VWA2: variants seen among roughly 807,000 people sequenced by gnomAD.
VWA2 encodes von Willebrand factor A domain-containing protein 2.
VWA2 carries 73 observed loss-of-function variants against 70.4 expected under a neutral mutation model. That is an observed-to-expected ratio of 1.04 (90% CI 0.86 to 1.26). The LOEUF is 1.26. Ranked by LOEUF, VWA2 falls within the 50% of genes most tolerant of loss-of-function variation. VWA2 has a pLI of 0.00. For missense variants in VWA2, 1,011 were observed against 998.5 expected (o/e 1.01, Z -0.17); for synonymous variants, 407 against 423.3 (o/e 0.96, Z 0.47).
chr10:114,278,778 G>T lies in VWA2; in HGVS notation c.760G>T (p.Ala254Ser). 6.2e-7 allele frequency: 1 copy of T among 1,613,830 alleles called. No homozygotes were observed. Among genetic ancestry groups the T allele is most frequent in the Non-Finnish European group, 8.5e-7 (1 of 1,180,026 alleles). Residue 254 changes from alanine to serine, a missense_variant, in exon 8 of 14, where the codon GCT becomes TCT. Ala to Ser is a moderately conservative substitution (Grantham distance 99). Transcript: ENST00000392982. ...GACGCTGGAGATGGTCCGGGAGTTCGCTGGCAATGCCCCATGCTGGAGAGG... is the reference window on the plus strand; with the variant it reads ...GACGCTGGAGATGGTCCGGGAGTTCTCTGGCAATGCCCCATGCTGGAGAGG... ...HRTLEMVREF[A>S]GNAPCWRGSR...
intron 10 of VWA2, 115 bp downstream of exon 10, chr10:114,285,085 T>C (rs1461905230): frequency 1.4e-6 from 1 of 724,666 alleles, no homozygotes; most frequent in East Asian, 3.1e-5. Context: ...TTGAACCATC[T>C]GCTTTCCAAT....
In VWA2 at chr10:114,272,966, C is replaced by G. The variant is rs766185037; in HGVS notation, c.566+32C>G. On this transcript the variant is annotated intron_variant, in intron 6 of 13. Transcript: ENST00000392982. The stretch of plus-strand genomic sequence containing the variant: ...GCCTCAGTCACCCTGGATCAGCCCT[C>G]AGGTGGTCAGCCTGGGGATCGTGAC... The G allele has an allele frequency of 2.5e-6, 4 of 1,576,564 alleles. No individual in the cohort carries two copies. In the Admixed American group the frequency reaches 5.2e-5, roughly 20 times the overall value.
At chr10:114,245,887 T>C (rs1213453674) in intron 1 of VWA2, among the ~76,000 whole-genome samples, 1 of 152,218 alleles carries the variant, frequency 6.6e-6, no homozygotes, top group Non-Finnish European at 1.5e-5. Flanking sequence ...ATAGTTTGTT[T>C]TAGGACTGCT....
In VWA2 at chr10:114,285,860, A is replaced by T; in HGVS notation, c.998-79A>T. ...CTCTGCACCATCTCCCTCCTGGGAG[A>T]TGTTCGGCATCTCGGGTGGGACAGC... is the stretch of plus-strand genomic sequence containing the variant. On this transcript the variant is annotated intron_variant, in intron 10 of 13. Coordinates refer to ENST00000392982, the MANE Select transcript of VWA2 (RefSeq NM_001272046.2). The T allele has an allele frequency of 2.2e-6, 3 of 1,390,928 alleles. No homozygotes were observed. In the South Asian group the frequency reaches 4.4e-5, roughly 20 times the overall value. 86.2% of individuals were successfully genotyped at this position (1,390,928 alleles called of 1,614,324 possible). A position where few individuals can be genotyped will look rare whatever the true frequency, so the allele number is the denominator to read the frequency against.
At chr10:114,279,190 T>C (rs1015412432) in intron 8 of VWA2, among the ~76,000 whole-genome samples, 1 of 152,114 alleles carries the variant, frequency 6.6e-6, no homozygotes, top group African/African-American at 2.4e-5. Context: ...TGAGCACCAG[T>C]TTCCACATTA....
chr10:114,284,527 C>T (rs2038604631), intron 9 of VWA2, among the ~76,000 whole-genome samples: 1 of 151,916 alleles, frequency 6.6e-6, no homozygotes, highest in Non-Finnish European at 1.5e-5. Context: ...AAGACAGGGC[C>T]CCATTGGCAC....
chr10:114,280,450 G>A (rs754061094), intron 8 of VWA2, among the ~76,000 whole-genome samples: 3 of 152,162 alleles, frequency 2.0e-5, no homozygotes, highest in Admixed American at 2.0e-4. Context: ...CGGGGGGTTG[G>A]GGCAAGGTCA....
chr10:114,276,932 C>T (rs979228313), intron 6 of VWA2, among the ~76,000 whole-genome samples: 26 of 152,168 alleles, frequency 1.7e-4, no homozygotes, highest in African/African-American at 6.3e-4. Context: ...CCAGGGCTGG[C>T]AGCACTGCCT....
At position 114,291,295 on chromosome 10, in the gene VWA2, A is replaced by G; in HGVS notation, c.*58A>G. 1 of 1,528,282 alleles carries G rather than the reference A, an allele frequency of 6.5e-7. No individual in the cohort carries two copies. The highest frequency in any genetic ancestry group is 2.1e-5 in the Admixed American group (1 of 48,740). The allele number at this position is 1,528,282 out of a possible 1,614,324, so 94.7% of individuals were successfully genotyped here. On this transcript the variant is annotated 3_prime_UTR_variant, in exon 14 of 14. Transcript: ENST00000392982. ...CGTACCCCTCCCAGCAACTACAGAG[A>G]AGGCCTGGGCACTGAAATGGTGCCT...
In VWA2 at chr10:114,290,349, C is replaced by T; in HGVS notation, c.2232C>T (p.Gly744=). The change falls in exon 13 of 14, where the codon GGC becomes GGT. Residue 744 remains glycine (G), a synonymous_variant. Transcript: ENST00000392982. ...YRCKCRDGWE[G]PHCENRFLRR... is the part of the protein sequence containing the mutation. Reference sequence around the variant, plus strand: ...GCAAGTGTCGGGATGGCTGGGAGGGCCCCCACTGCGAGAACCGTGAGTGGA... The same window carrying T: ...GCAAGTGTCGGGATGGCTGGGAGGGTCCCCACTGCGAGAACCGTGAGTGGA... 1 of 1,550,484 alleles carries T rather than the reference C, an allele frequency of 6.4e-7. No individual in the cohort carries two copies. The highest frequency in any genetic ancestry group is 8.7e-7 in the Non-Finnish European group (1 of 1,146,942).
chr10:114,250,688 C>A (rs560231267), intron 2 of VWA2, among the ~76,000 whole-genome samples: 34 of 152,290 alleles, frequency 2.2e-4, no homozygotes, highest in African/African-American at 7.9e-4. Context: ...CTGCCCAGCC[C>A]AACTGTTTCC....
chr10:114,248,652 C>T (rs1296215511), intron 1 of VWA2, 52 bp from the exon 2 acceptor site: 4 of 1,491,524 alleles, frequency 2.7e-6, no homozygotes, highest in Admixed American at 1.7e-5. Context: ...TGACTTGGGG[C>T]GTTCACAGAA....
intron 5 of VWA2, among the ~76,000 whole-genome samples, chr10:114,264,406 A>G (rs1418962314): frequency 1.3e-5 from 2 of 150,844 alleles, no homozygotes; most frequent in South Asian, 2.1e-4. Context: ...GTCATATACT[A>G]TATGATTCCA....
At chr10:114,250,222 T>G in intron 2 of VWA2, among the ~76,000 whole-genome samples, 1 of 152,264 alleles carries the variant, frequency 6.6e-6, no homozygotes, top group Non-Finnish European at 1.5e-5. Context: ...AAAGAGACTG[T>G]ACATTCTTTA....
intron 2 of VWA2, among the ~76,000 whole-genome samples, chr10:114,252,955 C>T (rs1020093006): frequency 2.6e-5 from 4 of 151,712 alleles, no homozygotes; most frequent in African/African-American, 9.7e-5. Flanking sequence ...TGGGCTCTGC[C>T]CCTCTAGCTT....
chr10:114,290,741 C>A (rs540789498), intron 13 of VWA2, among the ~76,000 whole-genome samples: 1 of 152,094 alleles, frequency 6.6e-6, no homozygotes, highest in Non-Finnish European at 1.5e-5. Context: ...GGGATGTAGA[C>A]GGAGGCAGGG....
intron 11 of VWA2, among the ~76,000 whole-genome samples, chr10:114,287,779 C>G (rs1411598528): frequency 6.6e-6 from 1 of 152,206 alleles, no homozygotes; most frequent in Non-Finnish European, 1.5e-5. Context: ...GTTTCCCCTC[C>G]TATTAACACC....
Position 114,286,036 on chromosome 10 carries a change from C to T in VWA2, c.1095C>T (p.Phe365=), listed in dbSNP as rs34495685. The T allele has an allele frequency of 4.8e-3, 7,821 of 1,614,166 alleles. 37 individuals are homozygous for T. Among genetic ancestry groups the T allele is most frequent in the South Asian group, 0.01 (937 of 91,076 alleles). Residue 365 remains phenylalanine (F), a synonymous_variant, in exon 11 of 14, where the codon TTC becomes TTT. Transcript: ENST00000392982. The part of the protein sequence containing the change: ...TLDGFLRAKV[F]VKRFVRAVLS... ...ACGGCTTCCTGCGGGCCAAAGTCTTCGTGAAGCGGTTTGTGCGGGCCGTGC... is the reference window on the plus strand; with the variant it reads ...ACGGCTTCCTGCGGGCCAAAGTCTTTGTGAAGCGGTTTGTGCGGGCCGTGC...
chr10:114,251,138 T>TTCTCA, intron 2 of VWA2, among the ~76,000 whole-genome samples: 1 of 152,400 alleles, frequency 6.6e-6, no homozygotes, highest in African/African-American at 2.4e-5. Context: ...AGATTAGTGA[T>TTCTCA]TCTCAACTCT....
Sources: gnomAD v4.1 joint callset for allele counts (sites outside exome capture counted in the v4.1 genomes callset) on GRCh38, gnomAD v4.1.1 for gene constraint, MANE v1.5 for transcripts, NCBI Gene and HGNC (gene_info 2026-07-23, HGNC 2026-07-21) for gene names.